ZNF213: variants seen among roughly 807,000 people sequenced by gnomAD.
ZNF213 encodes the protein zinc finger protein 213.
Under a neutral mutation model 46.0 loss-of-function variants are expected in ZNF213, and 32 were observed. That is an observed-to-expected ratio of 0.70 (90% CI 0.52 to 0.93). The LOEUF is 0.93. ZNF213 is among the 40% of genes least tolerant of loss of function. The pLI is 0.00. For synonymous variants in ZNF213, 297 were observed against 271.0 expected (o/e 1.10, Z -0.94); for missense variants, 639 against 652.8 (o/e 0.98, Z 0.23).
At chr16:3,136,784 G>T (rs989718334) in intron 1 of ZNF213, among the ~76,000 whole-genome samples, 2 of 152,042 alleles carry the variant, frequency 1.3e-5, no homozygotes, top group Non-Finnish European at 2.9e-5. Context: ...ACACGAGTGG[G>T]TATAGCTCAA....
Position 3,141,240 on chromosome 16 carries a change from G to C in ZNF213, c.1273G>C (p.Gly425Arg), listed in dbSNP as rs774796412. ...GCTGGACCATCGGCGTGTGCACACCGGTGAGCGGCCCTTCGGCTGCGGAGA... is the reference window on the plus strand; with the variant it reads ...GCTGGACCATCGGCGTGTGCACACCCGTGAGCGGCCCTTCGGCTGCGGAGA... ...YLLDHRRVHT[G>R]ERPFGCGECD... Residue 425 changes from glycine to arginine, a missense_variant, in exon 6 of 6, where the codon GGT (glycine) becomes CGT (arginine). Transcript: ENST00000396878. 3.1e-6 allele frequency: 5 copies of C among 1,612,374 alleles called. No individual in the cohort carries two copies. Among genetic ancestry groups the C allele is most frequent in the Non-Finnish European group, 4.2e-6 (5 of 1,179,908 alleles).
Position 3,140,795 on chromosome 16 carries a change from G to A in ZNF213, c.828G>A (p.Glu276=), listed in dbSNP as rs1957593784. ...SDVTVSWSPE[E]AEAWESENRP... ...TGACTGTGTCCTGGAGCCCCGAGGA[G>A]GCTGAGGCCTGGGAGAGCGAGAACC... The change falls in exon 6 of 6, where the codon GAG becomes GAA. Residue 276 remains glutamate (E), a synonymous_variant. Coordinates refer to ENST00000396878, the MANE Select transcript of ZNF213 (RefSeq NM_004220.3). The A allele has an allele frequency of 6.3e-7, 1 of 1,595,588 alleles. No homozygotes were observed. The highest frequency in any genetic ancestry group is 2.3e-5 in the East Asian group (1 of 44,074).
intron 1 of ZNF213, among the ~76,000 whole-genome samples, chr16:3,135,951 T>C (rs981589950): frequency 6.6e-6 from 1 of 150,898 alleles, no homozygotes; most frequent in Non-Finnish European, 1.5e-5. Context: ...CAATCTTTCC[T>C]CCTCAGCCTC....
chr16:3,140,283 A>G (rs779451528), intron 5 of ZNF213: 31 of 159,648 alleles, frequency 1.9e-4, no homozygotes, highest in Non-Finnish European at 1.1e-4. Context: ...GTGCAATGGC[A>G]TGATCCCGGC....
chr16:3,136,298 C>T (rs1697162099), intron 1 of ZNF213, among the ~76,000 whole-genome samples: 2 of 152,202 alleles, frequency 1.3e-5, no homozygotes, highest in African/African-American at 4.8e-5. Context: ...CACCTCAGGG[C>T]CAGATGTGTT....
Position 3,137,602 on chromosome 16 carries a change from C to T in ZNF213, c.322C>T (p.Gln108Ter), listed in dbSNP as rs1414153478. The change falls in exon 2 of 6, where the codon CAG becomes TAG. Residue 108 changes from glutamine to a stop codon, truncating the protein, a stop_gained. Coordinates refer to ENST00000396878, the MANE Select transcript of ZNF213 (RefSeq NM_004220.3). LOFTEE classifies it high-confidence loss of function. ...GGAGATCCAGGGCTGGGTGCGTGAG[C>T]AGCACCCGGGAAGCGGTGAGGAGGC... is the stretch of plus-strand genomic sequence containing the variant. Reference protein sequence around the residue: ...PGEIQGWVREQHPGSGEEAVA... With the variant: ...PGEIQGWVRE The T allele has an allele frequency of 1.9e-6, 3 of 1,614,024 alleles. No individual in the cohort carries two copies. The highest frequency in any genetic ancestry group is 2.5e-6 in the Non-Finnish European group (3 of 1,180,026).
chr16:3,138,094 G>A, intron 2 of ZNF213: 1 of 469,818 alleles, frequency 2.1e-6, no homozygotes, highest in Non-Finnish European at 3.8e-6. Flanking sequence ...CACATTGGAT[G>A]CATCTGGGGA....
chr16:3,137,494 C>G lies in ZNF213; in HGVS notation c.214C>G (p.Arg72Gly), dbSNP rs749303187. The G allele has an allele frequency of 4.3e-6, 7 of 1,613,958 alleles. No homozygotes were observed. The highest frequency in any genetic ancestry group is 5.9e-6 in the Non-Finnish European group (7 of 1,180,042). The change falls in exon 2 of 6, where the codon CGC (arginine) becomes GGC (glycine). Residue 72 changes from arginine to glycine, a missense_variant. Transcript: ENST00000396878. ...CAGCCAGCTCTGGGAGCTCTGCTGC[C>G]GCTGGCTGCGGCCCGAGCTGCGTAC... The part of the protein sequence containing the change: ...AFSQLWELCC[R>G]WLRPELRTKE...
rs746747169 is a variant in ZNF213, at chr16:3,140,834, C to G, written c.867C>G (p.Ala289=). ...AWESENRPRA[A]LGPVVGARRG... is the part of the protein sequence containing the mutation. ...AGAGCGAGAACCGGCCGAGGGCGGC[C>G]CTGGGCCCAGTGGTGGGCGCGCGAC... Residue 289 remains alanine (A), a synonymous_variant, in exon 6 of 6, where the codon GCC becomes GCG. Coordinates refer to ENST00000396878, the MANE Select transcript of ZNF213 (RefSeq NM_004220.3). 2.9e-5 allele frequency: 46 copies of G among 1,591,332 alleles called. No individual in the cohort carries two copies. In the South Asian group the frequency reaches 5.0e-4, roughly 17 times the overall value.
chr16:3,141,146 C>T lies in ZNF213; in HGVS notation c.1179C>T (p.Arg393=), dbSNP rs927935081. The T allele has an allele frequency of 6.2e-7, 1 of 1,612,282 alleles. No individual in the cohort carries two copies. The highest frequency in any genetic ancestry group is 1.7e-5 in the Admixed American group (1 of 60,002). ...SRSAYLADHQ[R]IHTGEKPFGC... is the part of the protein sequence containing the mutation. ...GCGCCTACCTGGCCGACCACCAGCGCATACACACGGGCGAGAAGCCTTTCG... is the reference window on the plus strand; with the variant it reads ...GCGCCTACCTGGCCGACCACCAGCGTATACACACGGGCGAGAAGCCTTTCG... The change falls in exon 6 of 6, where the codon CGC becomes CGT. Residue 393 remains arginine, a synonymous_variant. Transcript: ENST00000396878.
In ZNF213 at chr16:3,138,996, A is replaced by G; in HGVS notation, c.619A>G (p.Ile207Val). 1 of 1,614,172 alleles carries G rather than the reference A, an allele frequency of 6.2e-7. No individual in the cohort carries two copies. Among genetic ancestry groups the G allele is most frequent in the Non-Finnish European group, 8.5e-7 (1 of 1,180,020 alleles). The change falls in exon 5 of 6, where the codon ATC becomes GTC. Residue 207 changes from isoleucine (I) to valine (V), a missense_variant. Physicochemically the swap from Ile to Val is conservative, Grantham distance 29. Coordinates refer to ENST00000396878, the MANE Select transcript of ZNF213 (RefSeq NM_004220.3). ...CCAGGGACCTGTGGCATTGGGAGAC[A>G]TCCCATTCTATTTCTCCCGGGAAGA... ...GVHGPVALGDIPFYFSREEWG... is the reference protein window; with the variant it reads ...GVHGPVALGDVPFYFSREEWG...
At chr16:3,140,367 G>T in intron 5 of ZNF213, 1 of 209,242 alleles carries the variant, frequency 4.8e-6, no homozygotes, top group Non-Finnish European at 9.4e-6. Context: ...GATTACAGAT[G>T]TGCGCCACCA....
At chr16:3,138,088 T>C (rs916668956) in intron 2 of ZNF213, 17 of 461,010 alleles carry the variant, frequency 3.7e-5, no homozygotes, top group Non-Finnish European at 4.6e-5. Flanking sequence ...GTCCTTCACA[T>C]TGGATGCATC....
In ZNF213 at chr16:3,138,398, A is replaced by T. The variant is rs772986184; in HGVS notation, c.400-20A>T. 1.2e-6 allele frequency: 2 copies of T among 1,613,132 alleles called. No homozygotes were observed. The highest frequency in any genetic ancestry group is 2.2e-5 in the South Asian group (2 of 91,002). ...CCGGTCTGGTCTCGGGCTGATGAGCATGTTGTGGTTCCTGCACAGGATGTG... is the reference window on the plus strand; with the variant it reads ...CCGGTCTGGTCTCGGGCTGATGAGCTTGTTGTGGTTCCTGCACAGGATGTG... On this transcript the variant is annotated intron_variant, in intron 2 of 5. Transcript: ENST00000396878.
intron 4 of ZNF213, 75 bp downstream of exon 4, chr16:3,138,893 A>AT: frequency 6.2e-7 from 1 of 1,613,696 alleles, no homozygotes; most frequent in East Asian, 2.2e-5. Context: ...TTGCTGTCCC[A>AT]TCAGGCCTCT....
chr16:3,137,601 G>C lies in ZNF213; in HGVS notation c.321G>C (p.Glu107Asp). The C allele has an allele frequency of 6.2e-7, 1 of 1,614,054 alleles. No homozygotes were observed. Among genetic ancestry groups the C allele is most frequent in the Non-Finnish European group, 8.5e-7 (1 of 1,180,044 alleles). Residue 107 changes from glutamate to aspartate, a missense_variant, in exon 2 of 6, where the codon GAG (glutamate) becomes GAC (aspartate). By Grantham distance (45) the Glu-to-Asp change is conservative. Transcript: ENST00000396878. ...LPGEIQGWVR[E>D]QHPGSGEEAV... ...GGGAGATCCAGGGCTGGGTGCGTGAGCAGCACCCGGGAAGCGGTGAGGAGG... is the reference window on the plus strand; with the variant it reads ...GGGAGATCCAGGGCTGGGTGCGTGACCAGCACCCGGGAAGCGGTGAGGAGG...
chr16:3,139,310 T>C, intron 5 of ZNF213: 1 of 639,042 alleles, frequency 1.6e-6, no homozygotes, highest in Admixed American at 3.3e-5. Flanking sequence ...AGCCCTGCAG[T>C]TGCTCTAAGG....
At position 3,137,361 on chromosome 16, in the gene ZNF213, C is replaced by T. The variant is rs527638676; in HGVS notation, c.81C>T (p.Ser27=). 2.4e-5 allele frequency: 38 copies of T among 1,613,966 alleles called. No homozygotes were observed. In the South Asian group the frequency reaches 3.3e-4, roughly 14 times the overall value. The change falls in exon 2 of 6, where the codon TCC becomes TCT. Residue 27 remains serine (S), a synonymous_variant. Coordinates refer to ENST00000396878, the MANE Select transcript of ZNF213 (RefSeq NM_004220.3). ...GLLIVKVEDS[S]WEQESAQHED... ...TGATTGTGAAAGTGGAAGATTCCTC[C>T]TGGGAACAGGAATCTGCCCAGCATG...
In ZNF213 at chr16:3,135,100, G is replaced by GGGGGCGGGGGCGGGGGCC. The variant is rs1957518912; in HGVS notation, c.-386_-385insCGGGGCGGGGGCGGGGGC. ...GGCCGTAGTGGGCGTTGTGTGTTTC[G>GGGGGCGGGGGCGGGGGCC]GGGGCGGGGGCGGGGGCGGGGGCCG... On this transcript the variant is annotated 5_prime_UTR_variant, in exon 1 of 6. Transcript: ENST00000396878. 1 of 112,562 alleles carries GGGGGCGGGGGCGGGGGCC rather than the reference G, an allele frequency of 8.9e-6. No individual in the cohort carries two copies. Among genetic ancestry groups the GGGGGCGGGGGCGGGGGCC allele is most frequent in the Non-Finnish European group, 2.2e-5 (1 of 45,510 alleles). The allele number at this position is 112,562 out of a possible 1,614,324, so 7.0% of individuals were successfully genotyped here.
Sources: gnomAD v4.1 joint callset for allele counts (sites outside exome capture counted in the v4.1 genomes callset) on GRCh38, gnomAD v4.1.1 for gene constraint, MANE v1.5 for transcripts, NCBI Gene and HGNC (gene_info 2026-07-23, HGNC 2026-07-21) for gene names.